The following PRKAG2 variants were observed in gnomAD, a reference collection of about 807,000 sequenced individuals.
The protein encoded by PRKAG2 is protein kinase AMP-activated non-catalytic subunit gamma 2, also known as 5'-AMP-activated protein kinase subunit gamma-2.
PRKAG2 carries 26 observed loss-of-function variants against 69.6 expected under a neutral mutation model. The ratio of observed to expected loss-of-function variants is 0.37; its 90% CI spans 0.27 to 0.52. The LOEUF (loss-of-function observed/expected upper bound fraction) is 0.52. Among genes scored for constraint, PRKAG2 ranks in the 20% least tolerant of loss-of-function variants. The pLI is 0.90. For synonymous variants in PRKAG2, 293 were observed against 285.0 expected (o/e 1.03, Z -0.28); for missense variants, 557 against 740.0 (o/e 0.75, Z 2.87).
intron 3 of PRKAG2, among the ~76,000 whole-genome samples, chr7:151,728,123 G>C (rs1798306394): frequency 6.6e-6 from 1 of 152,086 alleles, no homozygotes; most frequent in African/African-American, 2.4e-5. Context: ...CTGGGGACTT[G>C]CACCCCAACC....
At chr7:151,830,833 C>A (rs1005037472) in intron 1 of PRKAG2, among the ~76,000 whole-genome samples, 1 of 151,630 alleles carries the variant, frequency 6.6e-6, no homozygotes, top group Non-Finnish European at 1.5e-5. Context: ...CCTTCTTTCA[C>A]TATTTATTCT....
At chr7:151,818,119 T>C (rs1489043221) in intron 1 of PRKAG2, among the ~76,000 whole-genome samples, 4 of 152,180 alleles carry the variant, frequency 2.6e-5, no homozygotes, top group Admixed American at 1.3e-4. Context: ...TATGTTCTGA[T>C]AGAGCCAGAC....
Position 151,781,277 on chromosome 7 carries a change from G to C in PRKAG2, c.341C>G (p.Pro114Arg), listed in dbSNP as rs375174733. The change falls in exon 3 of 16, where the codon CCG (proline) becomes CGG (arginine). Residue 114 changes from proline (P) to arginine (R), a missense_variant. Transcript: ENST00000287878. This position sits in a 1 kb window ranked among gnomAD's most constrained non-coding sequence, Gnocchi z 6.1. ...GCTCATGCGTCGAGGGGAGCGTGGC[G>C]GGGACTCCTGGTAGGAGAACGGGAA... ...TVFPFSYQES[P>R]PRSPRRMSFS... 6.2e-6 allele frequency: 10 copies of C among 1,613,952 alleles called. No individual in the cohort carries two copies. Among genetic ancestry groups the C allele is most frequent in the Non-Finnish European group, 8.5e-6 (10 of 1,180,044 alleles).
chr7:151,744,279 C>T (rs2074117963), intron 3 of PRKAG2, among the ~76,000 whole-genome samples: 1 of 152,242 alleles, frequency 6.6e-6, no homozygotes, highest in African/African-American at 2.4e-5. Flanking sequence ...AGTGCCAGGA[C>T]ATGTGGCACA....
chr7:151,575,914 G>GA (rs59484645), intron 7 of PRKAG2, among the ~76,000 whole-genome samples: 2,845 of 134,890 alleles, frequency 0.021, 76 homozygotes, highest in African/African-American at 0.073. Context: ...AAAAAAAAAA[G>GA]AAAAAAAGGA....
chr7:151,713,031 T>C (rs934350064), intron 3 of PRKAG2, among the ~76,000 whole-genome samples: 1 of 152,220 alleles, frequency 6.6e-6, no homozygotes, highest in African/African-American at 2.4e-5. Context: ...TTCTCTCTGC[T>C]TCCCTACAAA....
At chr7:151,761,486 C>T (rs188742993) in intron 3 of PRKAG2, among the ~76,000 whole-genome samples, 1 of 152,196 alleles carries the variant, frequency 6.6e-6, no homozygotes, top group Admixed American at 6.5e-5. Context: ...CACCACCCAA[C>T]CAGTCCTGTG....
chr7:151,692,842 G>A (rs1217929678), intron 3 of PRKAG2, among the ~76,000 whole-genome samples: 2 of 152,140 alleles, frequency 1.3e-5, no homozygotes, highest in African/African-American at 4.8e-5. Flanking sequence ...GTCATCTCCT[G>A]AAGGTGACAG....
intron 6 of PRKAG2, among the ~76,000 whole-genome samples, chr7:151,577,707 G>GA (rs57669970): frequency 6.1e-5 from 9 of 148,726 alleles, no homozygotes; most frequent in African/African-American, 1.2e-4. Context: ...CTTGAAAACT[G>GA]AAAAAAAAAT....
chr7:151,558,838 T>C, intron 15 of PRKAG2: 2 of 985,384 alleles, frequency 2.0e-6, no homozygotes, highest in Non-Finnish European at 2.4e-6. Flanking sequence ...AAATACCAAA[T>C]CTGGATGGAA....
chr7:151,689,051 G>A (rs1835217432), intron 3 of PRKAG2, among the ~76,000 whole-genome samples: 1 of 152,204 alleles, frequency 6.6e-6, no homozygotes, highest in Non-Finnish European at 1.5e-5. Flanking sequence ...GAAAATCAGT[G>A]TGATAACCAA....
chr7:151,785,018 G>C (rs547181996), intron 2 of PRKAG2, among the ~76,000 whole-genome samples: 99 of 152,372 alleles, frequency 6.5e-4, no homozygotes, highest in African/African-American at 2.3e-3. Flanking sequence ...CCAGGGACAG[G>C]GCCTCAGGCC....
chr7:151,805,962 G>C (rs2078079227), intron 1 of PRKAG2, among the ~76,000 whole-genome samples: 1 of 152,238 alleles, frequency 6.6e-6, no homozygotes, highest in South Asian at 2.1e-4. Context: ...ATTTTGGGAG[G>C]CCAAGGCAGG....
chr7:151,737,180 T>C (rs1250601183), intron 3 of PRKAG2, among the ~76,000 whole-genome samples: 1 of 152,042 alleles, frequency 6.6e-6, no homozygotes, highest in Non-Finnish European at 1.5e-5. Flanking sequence ...GTTTCCCCCT[T>C]AGTGAACTAA....
At chr7:151,654,637 C>G (rs887709736) in intron 4 of PRKAG2, among the ~76,000 whole-genome samples, 1 of 152,148 alleles carries the variant, frequency 6.6e-6, no homozygotes, top group Non-Finnish European at 1.5e-5. Context: ...GTGCCAGAGA[C>G]AGTAAAGGGA....
chr7:151,633,182 T>G (rs1296647391), intron 4 of PRKAG2: 1 of 152,248 alleles, frequency 6.6e-6, no homozygotes, highest in Non-Finnish European at 1.5e-5. Flanking sequence ...GCCTCTCGTT[T>G]AGCTTTGTCA....
intron 3 of PRKAG2, among the ~76,000 whole-genome samples, chr7:151,729,333 T>G (rs1218005362): frequency 6.6e-6 from 1 of 151,996 alleles, no homozygotes; most frequent in Non-Finnish European, 1.5e-5. Context: ...CCTAGGAGTC[T>G]TCTGTTTGGA....
intron 3 of PRKAG2, among the ~76,000 whole-genome samples, chr7:151,706,490 C>G (rs535788838): frequency 2.0e-5 from 3 of 152,276 alleles, no homozygotes; most frequent in African/African-American, 7.2e-5. Flanking sequence ...CAGTGCCTTG[C>G]TGTAAAGATT....
At chr7:151,847,050 T>C (rs1388426265) in intron 1 of PRKAG2, among the ~76,000 whole-genome samples, 1 of 152,188 alleles carries the variant, frequency 6.6e-6, no homozygotes, top group East Asian at 1.9e-4. Flanking sequence ...GCTAGGTAAA[T>C]GCTCTCGGCC....
Sources: gnomAD v4.1 joint callset for allele counts (sites outside exome capture counted in the v4.1 genomes callset) on GRCh38, gnomAD v4.1.1 for gene constraint, Gnocchi (gnomAD v3.1) non-coding constraint, MANE v1.5 for transcripts, NCBI Gene and HGNC (gene_info 2026-07-23, HGNC 2026-07-21) for gene names.